Variants in PTPRT observed in about 807,000 individuals in gnomAD.
PTPRT encodes protein tyrosine phosphatase receptor type T, also known as receptor-type tyrosine-protein phosphatase T.
In PTPRT, 56 loss-of-function variants were observed where a neutral mutation model predicts 176.8. The ratio of observed to expected loss-of-function variants is 0.32; its 90% confidence interval spans 0.26 to 0.40. PTPRT has a LOEUF of 0.40. Ranked by LOEUF, PTPRT falls within the 10% of genes least tolerant of loss-of-function variation. The probability of loss-of-function intolerance (pLI) is 1.00; values close to 1 mark genes in which losing one functional copy is unlikely to be tolerated. For missense variants in PTPRT, 1,540 were observed against 1,908.2 expected, an observed-to-expected ratio of 0.81 and a Z score of 3.60; for synonymous variants, 783 against 739.0, an observed-to-expected ratio of 1.06 and a Z score of -0.96.
chr20:42,839,859 C>T (rs564667580), intron 2 of PTPRT, among the ~76,000 whole-genome samples: 7 of 152,192 alleles, frequency 4.6e-5, no homozygotes, highest in African/African-American at 9.6e-5. Context: ...GGGGTTTACC[C>T]GCTGAGATCC....
chr20:42,496,505 T>G (rs530594391), intron 7 of PTPRT, among the ~76,000 whole-genome samples: 1 of 152,276 alleles, frequency 6.6e-6, no homozygotes, highest in African/African-American at 2.4e-5. Flanking sequence ...ATGTCTTTCC[T>G]CATCTTCTGG....
chr20:42,448,272 T>C lies in PTPRT; in HGVS notation c.1508A>G (p.Tyr503Cys). The C allele has an allele frequency of 6.2e-7, 1 of 1,613,604 alleles. No homozygotes were observed. The highest frequency in any genetic ancestry group is 8.5e-7 in the Non-Finnish European group (1 of 1,179,586). Reference protein sequence around the residue: ...IQGGPFEEKIYIQWKPPNETN... With the variant: ...IQGGPFEEKICIQWKPPNETN... ...CTCATTGGGAGGTTTCCACTGGATG[T>C]AGATCTTCTCCTCAAAGGGCCCCCC... The change falls in exon 9 of 31, where the codon TAC becomes TGC. Residue 503 changes from tyrosine to cysteine, a missense_variant. Physicochemically the swap from Tyr to Cys is radical, Grantham distance 194. Transcript: ENST00000373187.
intron 7 of PTPRT, among the ~76,000 whole-genome samples, chr20:42,676,957 C>A (rs1321140364): frequency 1.3e-5 from 2 of 152,008 alleles, no homozygotes; most frequent in Non-Finnish European, 2.9e-5. Flanking sequence ...ACAATCTCAG[C>A]CAGCAAACTC....
chr20:42,208,815 C>G (rs1255726182), intron 15 of PTPRT, among the ~76,000 whole-genome samples: 2 of 152,162 alleles, frequency 1.3e-5, no homozygotes, highest in African/African-American at 4.8e-5. Flanking sequence ...CTACAGAACT[C>G]TCCACCCCAA....
At chr20:42,863,128 C>T (rs1250252199) in intron 2 of PTPRT, among the ~76,000 whole-genome samples, 1 of 152,172 alleles carries the variant, frequency 6.6e-6, no homozygotes, top group Non-Finnish European at 1.5e-5. Flanking sequence ...GGGTTCAAAC[C>T]TAGATTCATG....
chr20:42,063,851 T>C, the PTPRT span: 1 of 152,052 alleles, frequency 6.6e-6, no homozygotes, highest in Non-Finnish European at 1.5e-5. Flanking sequence ...ATTCTGATTA[T>C]TTTATGAGAA....
At chr20:42,999,842 T>C (rs1012262135) in intron 1 of PTPRT, among the ~76,000 whole-genome samples, 7 of 151,922 alleles carry the variant, frequency 4.6e-5, no homozygotes, top group African/African-American at 1.7e-4. Context: ...CCACATCTCA[T>C]AGAAGTCATA....
rs960171076 is a variant in PTPRT at position 42,837,250 on chromosome 20, C to A, written c.215-45784G>T. Among the ~76,000 whole-genome samples, 31 of 152,208 alleles carry A rather than the reference C, an allele frequency of 2.0e-4. 1 individual carries two copies. Among genetic ancestry groups the A allele is most frequent in the Non-Finnish European group, 8.8e-5 (6 of 68,044 alleles). ...CATCCGGAGGACCCTTGGATCCCCA[C>A]TGTGAGTGGGCCCAGCACCTTGCTG... is the stretch of plus-strand genomic sequence containing the variant. On this transcript the variant is annotated intron_variant, in intron 2 of 30. Coordinates refer to ENST00000373187, the MANE Select transcript of PTPRT (RefSeq NM_007050.6).
chr20:42,393,384 C>T (rs532367780), intron 9 of PTPRT, among the ~76,000 whole-genome samples: 59 of 152,240 alleles, frequency 3.9e-4, no homozygotes, highest in African/African-American at 1.3e-3. Context: ...CCTCATTTCA[C>T]AGGAGAGAAA....
Position 42,098,490 on chromosome 20 carries a change from G to T in PTPRT, c.3777C>A (p.Asp1259Glu), listed in dbSNP as rs943637697. 4 of 1,614,094 alleles carry T rather than the reference G, an allele frequency of 2.5e-6. No homozygotes were observed. Among genetic ancestry groups the T allele is most frequent in the Admixed American group, 3.3e-5 (2 of 60,008 alleles). The change falls in exon 27 of 31, where the codon GAC (aspartate) becomes GAA (glutamate). Residue 1259 changes from aspartate (D) to glutamate (E), a missense_variant. Physicochemically the swap from Asp to Glu is conservative, Grantham distance 45. This residue lies in a region of PTPRT where 342 missense variants were observed against 394.0 expected (regional missense o/e 0.87). Transcript: ENST00000373187. ...TGTAATCGAACACCAGCCTCCAGAA[G>T]TCTGCCACGGTGTTGGGTAGAGGGT... ...TQHPLPNTVA[D>E]FWRLVFDYNC...
intron 2 of PTPRT, among the ~76,000 whole-genome samples, chr20:42,833,860 T>C (rs2078135860): frequency 6.6e-6 from 1 of 152,194 alleles, no homozygotes; most frequent in African/African-American, 2.4e-5. Context: ...CCTCTCACTA[T>C]ATGTAAAAGT....
intron 13 of PTPRT, among the ~76,000 whole-genome samples, chr20:42,250,118 C>A (rs1377414335): frequency 6.6e-6 from 1 of 152,202 alleles, no homozygotes; most frequent in African/African-American, 2.4e-5. Flanking sequence ...TTTGCACATG[C>A]CTCACAATAT....
chr20:43,167,115 T>C (rs1347884922), intron 1 of PTPRT, among the ~76,000 whole-genome samples: 1 of 152,162 alleles, frequency 6.6e-6, no homozygotes, highest in East Asian at 1.9e-4. Context: ...AGAAAAGCCT[T>C]TACTCTTGAC....
intron 9 of PTPRT, among the ~76,000 whole-genome samples, chr20:42,366,443 C>T (rs1482846043): frequency 2.0e-5 from 3 of 152,218 alleles, no homozygotes; most frequent in Non-Finnish European, 2.9e-5. Context: ...CTTCCCATCT[C>T]GTGGCTTCCC....
intron 1 of PTPRT, among the ~76,000 whole-genome samples, chr20:43,095,698 CCTCT>C (rs1031567830): frequency 1.8e-4 from 25 of 138,404 alleles, no homozygotes; most frequent in African/African-American, 4.4e-4. Context: ...CTCCCTGCTT[CCTCT>C]CTCTGTCTCT....
chr20:43,143,466 TGCCAA>T (rs2014078814), intron 1 of PTPRT, among the ~76,000 whole-genome samples: 1 of 152,138 alleles, frequency 6.6e-6, no homozygotes, highest in Non-Finnish European at 1.5e-5. Context: ...GCCCACCAAA[TGCCAA>T]GCCCAGCATG....
intron 11 of PTPRT, among the ~76,000 whole-genome samples, chr20:42,344,171 A>T (rs2058153454): frequency 6.6e-6 from 1 of 152,176 alleles, no homozygotes; most frequent in Admixed American, 6.5e-5. Context: ...AAGTGCTGGG[A>T]TTACAGACAT....
intron 1 of PTPRT, among the ~76,000 whole-genome samples, chr20:43,144,522 G>A (rs972203721): frequency 6.6e-6 from 1 of 152,128 alleles, no homozygotes; most frequent in Non-Finnish European, 1.5e-5. Flanking sequence ...TTCCTAACTA[G>A]TCTTACTTCT....
Position 42,078,014 on chromosome 20 carries a change from ACAGCAGG to A in PTPRT, c.*2858_*2864del, listed in dbSNP as rs1163345388. ...GTACCAAGATCTAAGAAAATAGCAT[ACAGCAGG>A]CAGATTTGCCATGCTACAGGCTCCT... On this transcript the variant is annotated 3_prime_UTR_variant, in exon 31 of 31. Transcript: ENST00000373187. The A allele has an allele frequency of 1.1e-5, 2 of 189,682 alleles. No homozygotes were observed. The highest frequency in any genetic ancestry group is 4.7e-5 in the African/African-American group (2 of 42,894). 11.7% of individuals were successfully genotyped at this position (189,682 alleles called of 1,614,324 possible).
Sources: allele counts gnomAD v4.1 joint callset (sites outside exome capture counted in the v4.1 genomes callset), GRCh38; gene constraint gnomAD v4.1.1; regional missense constraint gnomAD v4.1.1; transcripts MANE v1.5; gene names NCBI Gene and HGNC (gene_info 2026-07-23, HGNC 2026-07-21).